Variants in PDE3B observed in about 807,000 individuals in gnomAD.
PDE3B encodes the protein cGMP-inhibited 3',5'-cyclic phosphodiesterase 3B.
PDE3B carries 66 observed loss-of-function variants against 116.8 expected under a neutral mutation model. The observed-to-expected ratio is 0.56, with a 90% CI of 0.46 to 0.69. The LOEUF (loss-of-function observed/expected upper bound fraction) is 0.69, where lower values mean the gene tolerates loss of function less well. Among genes scored for constraint, PDE3B ranks in the 30% least tolerant of loss-of-function variants. The pLI, the probability that PDE3B is intolerant of heterozygous loss-of-function variation, is 0.00. For missense variants in PDE3B, 1,384 were observed against 1,368.1 expected (o/e 1.01, Z -0.18); for synonymous variants, 595 against 533.6 (o/e 1.12, Z -1.59).
chr11:14,711,500 C>T (rs11023312), intron 1 of PDE3B, among the ~76,000 whole-genome samples: 21,430 of 152,040 alleles, frequency 0.14, 2,219 homozygotes, highest in African/African-American at 0.3. Flanking sequence ...TCTGGGGAGG[C>T]CTCAGGAAGT....
At chr11:14,890,765 G>A in the PDE3B span, 1 of 637,786 alleles carries the variant, frequency 1.6e-6, no homozygotes, top group Non-Finnish European at 1.9e-6. Context: ...AGCCACGACG[G>A]TCTCGATCTC....
intron 1 of PDE3B, among the ~76,000 whole-genome samples, chr11:14,712,342 C>T (rs117963627): frequency 0.024 from 3,721 of 152,182 alleles, 61 homozygotes; most frequent in Middle Eastern, 0.034. Flanking sequence ...GTCTTGGGCT[C>T]CCAAAGCACT....
At chr11:14,876,255 ACCTGTAATCC>A (rs1181566347), downstream of PDE3B, among the ~76,000 whole-genome samples, 1 of 152,100 alleles carries the variant, frequency 6.6e-6, no homozygotes, top group East Asian at 1.9e-4. Flanking sequence ...GACGGCTCAC[ACCTGTAATCC>A]CAGTACTTTG....
intron 1 of PDE3B, among the ~76,000 whole-genome samples, chr11:14,654,138 A>C (rs953505325): frequency 6.6e-6 from 1 of 152,314 alleles, no homozygotes; most frequent in African/African-American, 2.4e-5. Context: ...AAGAAATATT[A>C]GAAAAAAATG....
intron 1 of PDE3B, among the ~76,000 whole-genome samples, chr11:14,740,255 A>G (rs541247421): frequency 1.3e-5 from 2 of 152,248 alleles, no homozygotes; most frequent in African/African-American, 2.4e-5. Flanking sequence ...TTGGTAGGCT[A>G]TTAATTACTG....
chr11:14,725,323 CTTTCTT>C (rs1186881845), intron 1 of PDE3B, among the ~76,000 whole-genome samples: 3 of 148,756 alleles, frequency 2.0e-5, no homozygotes, highest in African/African-American at 5.0e-5. Context: ...TTCTTTCTTT[CTTTCTT>C]TTTCTTTCTT....
At chr11:14,725,767 C>G (rs373593382) in intron 1 of PDE3B, among the ~76,000 whole-genome samples, 15 of 151,452 alleles carry the variant, frequency 9.9e-5, no homozygotes, top group African/African-American at 3.6e-4. Context: ...CCACCATTTT[C>G]TCTTGCCTAG....
At chr11:14,895,116 TCCTGGGGTC>T in the PDE3B span, among the ~76,000 whole-genome samples, 1 of 152,222 alleles carries the variant, frequency 6.6e-6, no homozygotes, top group Non-Finnish European at 1.5e-5. Flanking sequence ...AGTGAGATTC[TCCTGGGGTC>T]CCTTTCTGTT....
intron 1 of PDE3B, among the ~76,000 whole-genome samples, chr11:14,682,374 C>T (rs1363156970): frequency 6.6e-6 from 1 of 152,104 alleles, no homozygotes; most frequent in East Asian, 1.9e-4. Flanking sequence ...GCTAGGACTT[C>T]CAGTACCATG....
the PDE3B span, chr11:14,885,780 C>T: frequency 6.2e-7 from 1 of 1,612,282 alleles, no homozygotes; most frequent in Non-Finnish European, 8.5e-7. Context: ...ACATACCTCC[C>T]ATTTTTGTCA....
At chr11:14,897,923 C>T in the PDE3B span, among the ~76,000 whole-genome samples, 2 of 152,118 alleles carry the variant, frequency 1.3e-5, no homozygotes, top group Non-Finnish European at 2.9e-5. Flanking sequence ...CCTTGCAGGG[C>T]TTTCTCTTTT....
rs780059263 is a variant in PDE3B at position 14,832,833 on chromosome 11, TGTAA to T, written c.2206+4_2206+7del. ...AGAAAATGGCTATCGAGACATTCCT[TGTAA>T]GTATTAACATATTTTATTATTTAAG... On this transcript the variant is annotated splice_donor_variant and splice_donor_region_variant and intron_variant, in intron 10 of 15. Transcript: ENST00000282096. LOFTEE classifies it high-confidence loss of function. 3 of 1,239,962 alleles carry T rather than the reference TGTAA, an allele frequency of 2.4e-6. No homozygotes were observed. The highest frequency in any genetic ancestry group is 2.3e-6 in the Non-Finnish European group (2 of 856,984). 76.8% of individuals were successfully genotyped at this position (1,239,962 alleles called of 1,614,324 possible). A position where few individuals can be genotyped will look rare whatever the true frequency, so the allele number is the denominator to read the frequency against.
At chr11:14,712,376 C>T (rs899404779) in intron 1 of PDE3B, among the ~76,000 whole-genome samples, 5 of 152,006 alleles carry the variant, frequency 3.3e-5, no homozygotes, top group African/African-American at 7.2e-5. Context: ...TGAGCCACCA[C>T]GCCCAATCCT....
rs185118540 is a variant in PDE3B at position 14,841,147 on chromosome 11, A to G, written c.2321-2680A>G. ...CTCATCCAGTCAGTTGAAGGCCTTA[A>G]TAGAAACAAAGAGTGACCTCCTCTG... is the stretch of plus-strand genomic sequence containing the variant. On this transcript the variant is annotated intron_variant, in intron 11 of 15. Coordinates refer to ENST00000282096, the MANE Select transcript of PDE3B (RefSeq NM_000922.4). 7.9e-4 allele frequency among the ~76,000 whole-genome samples: 120 copies of G among 152,042 alleles called. 1 individual carries two copies. Among genetic ancestry groups the G allele is most frequent in the Admixed American group, 4.9e-3 (75 of 15,274 alleles).
At chr11:14,781,746 A>G (rs1358199230) in intron 2 of PDE3B, among the ~76,000 whole-genome samples, 1 of 152,184 alleles carries the variant, frequency 6.6e-6, no homozygotes, top group Non-Finnish European at 1.5e-5. Flanking sequence ...TTTGAAAAAC[A>G]GCACAAGACA....
rs1415006907 is a variant in PDE3B, at chr11:14,662,999, A to G, written c.978+17946A>G. ...CTCGAGAAGAGCAACTCCAAGACAC[A>G]TAATTGTCAGATTCACCAAAGTTGA... On this transcript the variant is annotated intron_variant, in intron 1 of 15. Transcript: ENST00000282096. Among the ~76,000 whole-genome samples, 684 of 152,058 alleles carry G rather than the reference A, an allele frequency of 4.5e-3. 3 individuals are homozygous for G. Among genetic ancestry groups the G allele is most frequent in the African/African-American group, 0.015 (607 of 41,474 alleles).
chr11:14,854,680 C>T (rs1451757701), intron 12 of PDE3B, among the ~76,000 whole-genome samples: 1 of 152,110 alleles, frequency 6.6e-6, no homozygotes, highest in African/African-American at 2.4e-5. Context: ...CCACGCCCAG[C>T]TAATTTTTGT....
At chr11:14,817,626 C>A (rs919716222) in intron 5 of PDE3B, among the ~76,000 whole-genome samples, 1 of 151,974 alleles carries the variant, frequency 6.6e-6, no homozygotes, top group Non-Finnish European at 1.5e-5. Flanking sequence ...TGGCCTGTGC[C>A]TGTAGTCTCC....
chr11:14,703,020 T>C (rs1418925343), intron 1 of PDE3B, among the ~76,000 whole-genome samples: 1 of 151,910 alleles, frequency 6.6e-6, no homozygotes, highest in African/African-American at 2.4e-5. Flanking sequence ...AGTTCATTTT[T>C]TTCTAGAGAT....
Sources: gnomAD v4.1 joint callset for allele counts (sites outside exome capture counted in the v4.1 genomes callset) on GRCh38, gnomAD v4.1.1 for gene constraint, MANE v1.5 for transcripts, NCBI Gene and HGNC (gene_info 2026-07-23, HGNC 2026-07-21) for gene names.